The following GPR158 variants were observed in gnomAD, a reference collection of about 807,000 sequenced individuals.
The protein encoded by GPR158 is metabotropic glycine receptor.
GPR158 carries 30 observed loss-of-function variants against 78.2 expected under a neutral mutation model. The observed-to-expected ratio is 0.38, with a 90% CI of 0.29 to 0.52. The LOEUF (loss-of-function observed/expected upper bound fraction) is 0.52, where lower values mean the gene tolerates loss of function less well. Among genes scored for constraint, GPR158 ranks in the 20% least tolerant of loss-of-function variants. The probability of loss-of-function intolerance (pLI) is 0.83; values close to 1 mark genes in which losing one functional copy is unlikely to be tolerated. For synonymous variants in GPR158, 581 were observed against 591.1 expected (o/e 0.98, Z 0.25); for missense variants, 1,463 against 1,523.5 (o/e 0.96, Z 0.66).
intron 2 of GPR158, among the ~76,000 whole-genome samples, chr10:25,338,447 C>T (rs995748351): frequency 2.1e-4 from 30 of 140,520 alleles, no homozygotes; most frequent in Admixed American, 7.9e-4. Context: ...ATTATATATA[C>T]GTAATATATA....
intron 1 of GPR158, among the ~76,000 whole-genome samples, chr10:25,183,102 T>C (rs1852633891): frequency 6.6e-6 from 1 of 152,228 alleles, no homozygotes; most frequent in South Asian, 2.1e-4. Flanking sequence ...AAAATTTGTT[T>C]AGTAACAAAC....
chr10:25,554,821 C>T (rs1479345070), intron 6 of GPR158, among the ~76,000 whole-genome samples: 1 of 152,058 alleles, frequency 6.6e-6, no homozygotes, highest in Non-Finnish European at 1.5e-5. Flanking sequence ...TTAGAATCAC[C>T]AGTATATGGT....
chr10:25,365,929 C>T (rs1019206733), intron 2 of GPR158, among the ~76,000 whole-genome samples: 2 of 151,638 alleles, frequency 1.3e-5, no homozygotes, highest in Non-Finnish European at 3.0e-5. Context: ...GTTTTTAACA[C>T]TGTATATTAC....
chr10:25,320,738 T>C (rs1167937262), intron 2 of GPR158, among the ~76,000 whole-genome samples: 2 of 152,240 alleles, frequency 1.3e-5, no homozygotes, highest in African/African-American at 4.8e-5. Context: ...ATTCCTAGAA[T>C]GGATCAGCAT....
chr10:25,383,988 T>C (rs931451264), intron 2 of GPR158, among the ~76,000 whole-genome samples: 1 of 152,226 alleles, frequency 6.6e-6, no homozygotes, highest in Non-Finnish European at 1.5e-5. Flanking sequence ...ATGGAAATAA[T>C]AACAGAGTTG....
intron 5 of GPR158, among the ~76,000 whole-genome samples, chr10:25,530,094 G>C (rs974819541): frequency 6.6e-6 from 1 of 152,106 alleles, no homozygotes; most frequent in African/African-American, 2.4e-5. Flanking sequence ...GGGGAGGCGG[G>C]AGATGGGTGG....
intron 2 of GPR158, among the ~76,000 whole-genome samples, chr10:25,234,374 A>G (rs1322213257): frequency 6.6e-6 from 1 of 152,262 alleles, no homozygotes; most frequent in African/African-American, 2.4e-5. Flanking sequence ...AGAGCAATCT[A>G]TCCAAATTAA....
rs1233425010 is a variant in GPR158 at position 25,526,644 on chromosome 10, G to A, written c.1405-24332G>A. ...GGCTGAAGGAGCATGCTCAAGAAAG[G>A]ATAAACTTGGAAAGAGGCTTCCTCT... On this transcript the variant is annotated intron_variant, in intron 5 of 10. Transcript: ENST00000376351. 3.9e-5 allele frequency among the ~76,000 whole-genome samples: 6 copies of A among 152,198 alleles called. No individual in the cohort carries two copies. The East Asian group carries it at 1.2e-3, about 29-fold the overall frequency.
At chr10:25,248,547 C>G (rs1332931746) in intron 2 of GPR158, among the ~76,000 whole-genome samples, 71 of 150,076 alleles carry the variant, frequency 4.7e-4, no homozygotes, top group African/African-American at 1.6e-3. Context: ...AGCCAGTTTT[C>G]CCAGCACCAT....
chr10:25,509,628 TC>T (rs1836057345), intron 5 of GPR158, among the ~76,000 whole-genome samples: 1 of 152,204 alleles, frequency 6.6e-6, no homozygotes, highest in South Asian at 2.1e-4. Context: ...ATGTTTGACT[TC>T]CTTACAAAAC....
intron 6 of GPR158, among the ~76,000 whole-genome samples, chr10:25,570,195 G>A (rs991816666): frequency 2.6e-5 from 4 of 152,134 alleles, no homozygotes; most frequent in Non-Finnish European, 4.4e-5. Flanking sequence ...TTATTTCTAA[G>A]GTAGAATTCT....
At chr10:25,421,162 A>G (rs1834745673) in intron 4 of GPR158, among the ~76,000 whole-genome samples, 1 of 152,146 alleles carries the variant, frequency 6.6e-6, no homozygotes. Flanking sequence ...TCAGTATATG[A>G]GCCTTTTGCC....
intron 2 of GPR158, among the ~76,000 whole-genome samples, chr10:25,304,326 G>A (rs531274291): frequency 2.6e-5 from 4 of 152,126 alleles, no homozygotes; most frequent in South Asian, 2.1e-4. Context: ...AGATATAAAT[G>A]TTTCTTATAT....
chr10:25,264,056 T>C (rs1854007197), intron 2 of GPR158, among the ~76,000 whole-genome samples: 1 of 152,216 alleles, frequency 6.6e-6, no homozygotes, highest in African/African-American at 2.4e-5. Flanking sequence ...AACTGATGAA[T>C]ATCAGGCATT....
intron 2 of GPR158, among the ~76,000 whole-genome samples, chr10:25,326,505 G>A (rs111364100): frequency 0.015 from 2,328 of 152,148 alleles, 67 homozygotes; most frequent in African/African-American, 0.053. Flanking sequence ...TTACTCGATT[G>A]GTAGTTTCCT....
At chr10:25,273,932 C>T (rs892356266) in intron 2 of GPR158, among the ~76,000 whole-genome samples, 1 of 152,142 alleles carries the variant, frequency 6.6e-6, no homozygotes, top group Admixed American at 6.6e-5. Context: ...CCTGCCTCAG[C>T]CTCCCAAAGT....
At chr10:25,185,683 C>T (rs566860995) in intron 1 of GPR158, among the ~76,000 whole-genome samples, 2 of 152,096 alleles carry the variant, frequency 1.3e-5, no homozygotes, top group East Asian at 1.9e-4. Context: ...ATTAGCCAGG[C>T]GTGGTGGCAG....
chr10:25,395,855 T>G (rs1042042337), intron 2 of GPR158, 56 bp from the exon 3 acceptor site: 1 of 840,926 alleles, frequency 1.2e-6, no homozygotes, highest in Non-Finnish European at 2.0e-6. Flanking sequence ...TCTGCGAGCC[T>G]TTATACCATG....
chr10:25,446,731 G>A (rs1326350013), intron 4 of GPR158, among the ~76,000 whole-genome samples: 1 of 152,158 alleles, frequency 6.6e-6, no homozygotes, highest in Non-Finnish European at 1.5e-5. Flanking sequence ...CTATAAAAAT[G>A]TGTCTGCCAA....
Sources: allele counts gnomAD v4.1 joint callset (sites outside exome capture counted in the v4.1 genomes callset), GRCh38; gene constraint gnomAD v4.1.1; transcripts MANE v1.5; gene names NCBI Gene and HGNC (gene_info 2026-07-23, HGNC 2026-07-21).